Variants in GAS2 observed in about 807,000 individuals in gnomAD.
The protein encoded by GAS2 is growth arrest-specific protein 2.
A neutral mutation model predicts 37.5 loss-of-function variants in GAS2; 20 were observed. The ratio of observed to expected loss-of-function variants is 0.53; its 90% confidence interval spans 0.37 to 0.77. GAS2 has a LOEUF of 0.77. GAS2 is among the 30% of genes least tolerant of loss of function. GAS2 has a pLI of 0.00. For synonymous variants in GAS2, 144 were observed against 132.2 expected (o/e 1.09, Z -0.61); for missense variants, 336 against 373.4 (o/e 0.90, Z 0.82).
At chr11:22,715,743 A>T (rs916183942) in intron 3 of GAS2, among the ~76,000 whole-genome samples, 5 of 152,156 alleles carry the variant, frequency 3.3e-5, no homozygotes, top group Non-Finnish European at 5.9e-5. Flanking sequence ...GACCAGGAAG[A>T]TTTGTAGCTG....
chr11:22,647,896 T>C (rs1221200933), intron 1 of GAS2, among the ~76,000 whole-genome samples: 2 of 152,198 alleles, frequency 1.3e-5, no homozygotes, highest in African/African-American at 4.8e-5. Context: ...TGATGGTAGT[T>C]TCTTTTGCTG....
chr11:22,699,331 T>C (rs1038552133), intron 3 of GAS2, among the ~76,000 whole-genome samples: 1 of 152,184 alleles, frequency 6.6e-6, no homozygotes, highest in Non-Finnish European at 1.5e-5. Flanking sequence ...CTCTTTACTA[T>C]GCATTCAGGG....
intron 1 of GAS2, among the ~76,000 whole-genome samples, chr11:22,637,124 CTTATA>C (rs1858835772): frequency 8.0e-6 from 1 of 124,860 alleles, no homozygotes; most frequent in South Asian, 2.5e-4. Flanking sequence ...TATAATATTA[CTTATA>C]TTAATATTAT....
Position 22,685,804 on chromosome 11 carries a change from T to C in GAS2, c.267+15T>C, listed in dbSNP as rs1277246903. ...AGCCCACAAAGGTAAAAGATCCCAATGCAAAAATCACTCTTAGGTGGTAGA... is the reference window on the plus strand; with the variant it reads ...AGCCCACAAAGGTAAAAGATCCCAACGCAAAAATCACTCTTAGGTGGTAGA... On this transcript the variant is annotated intron_variant, in intron 3 of 7. Transcript: ENST00000454584. 1.2e-6 allele frequency: 2 copies of C among 1,605,188 alleles called. No individual in the cohort carries two copies. Among genetic ancestry groups the C allele is most frequent in the Non-Finnish European group, 8.5e-7 (1 of 1,177,258 alleles).
intron 1 of GAS2, among the ~76,000 whole-genome samples, chr11:22,651,553 C>T (rs1410082341): frequency 5.9e-5 from 9 of 152,136 alleles, no homozygotes; most frequent in Non-Finnish European, 1.5e-5. Context: ...CTTTCAGGTA[C>T]ACCAATCAGA....
At chr11:22,636,703 T>C (rs2133811102) in intron 1 of GAS2, among the ~76,000 whole-genome samples, 1 of 152,136 alleles carries the variant, frequency 6.6e-6, no homozygotes, top group Admixed American at 6.5e-5. Flanking sequence ...TATGACTTTC[T>C]TACTTTAGTG....
chr11:22,640,095 C>T (rs1590558378), intron 1 of GAS2, among the ~76,000 whole-genome samples: 1 of 152,284 alleles, frequency 6.6e-6, no homozygotes, highest in Admixed American at 6.5e-5. Flanking sequence ...ATAACAGAAC[C>T]TAATGAATTC....
At chr11:22,751,245 A>T (rs1565126151) in intron 6 of GAS2, among the ~76,000 whole-genome samples, 1 of 151,870 alleles carries the variant, frequency 6.6e-6, no homozygotes, top group African/African-American at 2.4e-5. Flanking sequence ...TTGCTTTCTC[A>T]CTATACTTCT....
chr11:22,646,494 G>C (rs917489667), intron 1 of GAS2, among the ~76,000 whole-genome samples: 3 of 151,998 alleles, frequency 2.0e-5, no homozygotes, highest in Admixed American at 6.6e-5. Flanking sequence ...ATGTGTTTTC[G>C]AATTTTGTAA....
chr11:22,640,691 T>C (rs1858899036), intron 1 of GAS2, among the ~76,000 whole-genome samples: 1 of 152,210 alleles, frequency 6.6e-6, no homozygotes, highest in Non-Finnish European at 1.5e-5. Flanking sequence ...TAGGAATTTT[T>C]ATATAAATTG....
At chr11:22,787,575 A>G (rs12270952) in intron 7 of GAS2, among the ~76,000 whole-genome samples, 56,383 of 151,282 alleles carry the variant, frequency 0.37, 10,631 homozygotes, top group Non-Finnish European at 0.38. Context: ...ATTTATTCCG[A>G]AAAAAAAAGA....
At chr11:22,669,626 C>T (rs1849123983) in intron 1 of GAS2, among the ~76,000 whole-genome samples, 1 of 152,078 alleles carries the variant, frequency 6.6e-6, no homozygotes, top group Non-Finnish European at 1.5e-5. Context: ...ACTAAACAGT[C>T]TTGTTACTGT....
intron 7 of GAS2, among the ~76,000 whole-genome samples, chr11:22,801,736 T>C (rs10833819): frequency 0.38 from 58,474 of 152,010 alleles, 12,652 homozygotes; most frequent in East Asian, 0.74. Flanking sequence ...CCTCTCAGAC[T>C]GTGCATCTGT....
chr11:22,675,350 C>G (rs1427242435), intron 2 of GAS2, among the ~76,000 whole-genome samples: 1 of 152,184 alleles, frequency 6.6e-6, no homozygotes, highest in Non-Finnish European at 1.5e-5. Context: ...ACATTGTACA[C>G]AGGCCACAGT....
chr11:22,793,938 C>T (rs900377173), intron 7 of GAS2, among the ~76,000 whole-genome samples: 1 of 152,114 alleles, frequency 6.6e-6, no homozygotes, highest in African/African-American at 2.4e-5. Context: ...GGTCAGAAGA[C>T]TGTTCCATTA....
intron 1 of GAS2, chr11:22,668,362 G>A (rs1849068704): frequency 6.6e-6 from 1 of 152,290 alleles, no homozygotes; most frequent in African/African-American, 2.4e-5. Flanking sequence ...TGAGGCATGG[G>A]ACAGTGTGCC....
intron 1 of GAS2, among the ~76,000 whole-genome samples, chr11:22,652,583 C>T (rs772236260): frequency 2.6e-5 from 4 of 152,292 alleles, no homozygotes; most frequent in Admixed American, 2.0e-4. Flanking sequence ...ACTCCGTGGG[C>T]GTAGGACCCT....
chr11:22,735,257 G>A (rs1166084762), intron 4 of GAS2, among the ~76,000 whole-genome samples: 2 of 140,716 alleles, frequency 1.4e-5, no homozygotes, highest in Admixed American at 7.4e-5. Context: ...TCCATTAGTG[G>A]CCAGGCTTGG....
At chr11:22,703,899 G>C (rs1850970473) in intron 3 of GAS2, among the ~76,000 whole-genome samples, 1 of 152,118 alleles carries the variant, frequency 6.6e-6, no homozygotes, top group Admixed American at 6.6e-5. Flanking sequence ...TTTCACACCA[G>C]TGTAGGCTGC....
Sources: allele counts gnomAD v4.1 joint callset (sites outside exome capture counted in the v4.1 genomes callset), GRCh38; gene constraint gnomAD v4.1.1; transcripts MANE v1.5; gene names NCBI Gene and HGNC (gene_info 2026-07-23, HGNC 2026-07-21).